Variants in MYOZ2 observed in about 807,000 individuals in gnomAD.
The protein encoded by MYOZ2 is myozenin-2.
MYOZ2 carries 19 observed loss-of-function variants against 25.4 expected under a neutral mutation model. The ratio of observed to expected loss-of-function variants is 0.75; its 90% CI spans 0.52 to 1.10. MYOZ2 has a LOEUF of 1.10. Among genes scored for constraint, MYOZ2 ranks in the 50% least tolerant of loss-of-function variants. MYOZ2 has a pLI of 0.00. For missense variants in MYOZ2, 270 were observed against 317.9 expected, an observed-to-expected ratio of 0.85 and a Z score of 1.15; for synonymous variants, 92 against 106.9, an observed-to-expected ratio of 0.86 and a Z score of 0.86.
At chr4:119,174,359 C>T (rs1443960830) in intron 5 of MYOZ2, among the ~76,000 whole-genome samples, 1 of 152,040 alleles carries the variant, frequency 6.6e-6, no homozygotes, top group Non-Finnish European at 1.5e-5. Context: ...AGTCAGCACC[C>T]TGTGTCTAGC....
chr4:119,144,707 A>G (rs1443177782), intron 2 of MYOZ2, among the ~76,000 whole-genome samples: 1 of 152,160 alleles, frequency 6.6e-6, no homozygotes, highest in East Asian at 1.9e-4. Flanking sequence ...GATGATGTTT[A>G]CCATCTTTTC....
At chr4:119,179,131 A>G (rs759515820) in intron 5 of MYOZ2, among the ~76,000 whole-genome samples, 7 of 152,010 alleles carry the variant, frequency 4.6e-5, no homozygotes, top group Non-Finnish European at 1.0e-4. Context: ...TACAATCCAA[A>G]CTTGTTATCA....
rs144452849 is a variant in MYOZ2, at chr4:119,160,651, A to G, written c.376+2500A>G. ...CAGAGAGAGACTTTGTGGGGGGAAA[A>G]CTGCATGCTTTATTAAATGGTATAT... On this transcript the variant is annotated intron_variant, in intron 4 of 5. Transcript: ENST00000307128. Among the ~76,000 whole-genome samples, 22 of 152,076 alleles carry G rather than the reference A, an allele frequency of 1.4e-4. No homozygotes were observed. The East Asian group carries it at 3.9e-3, about 27-fold the overall frequency.
intron 5 of MYOZ2, among the ~76,000 whole-genome samples, chr4:119,184,060 C>T (rs1742247635): frequency 6.6e-6 from 1 of 152,138 alleles, no homozygotes; most frequent in Non-Finnish European, 1.5e-5. Flanking sequence ...GGTGATCCAT[C>T]CACCTTCTCC....
intron 3 of MYOZ2, among the ~76,000 whole-genome samples, chr4:119,151,763 AG>A (rs539120838): frequency 6.0e-4 from 92 of 152,316 alleles, no homozygotes; most frequent in African/African-American, 2.1e-3. Flanking sequence ...AAAAAGGAAT[AG>A]TGCATTCGTC....
intron 4 of MYOZ2, among the ~76,000 whole-genome samples, chr4:119,159,239 G>C (rs1163902695): frequency 6.6e-6 from 1 of 152,004 alleles, no homozygotes; most frequent in Non-Finnish European, 1.5e-5. Context: ...AGACCAGCCT[G>C]GGCAACATAA....
chr4:119,152,621 T>TA (rs1161725162), intron 3 of MYOZ2, among the ~76,000 whole-genome samples: 1 of 152,136 alleles, frequency 6.6e-6, no homozygotes, highest in African/African-American at 2.4e-5. Flanking sequence ...GTGTTCTGGT[T>TA]ACACATAATA....
At chr4:119,184,808 G>T (rs879906829) in intron 5 of MYOZ2, among the ~76,000 whole-genome samples, 2 of 152,180 alleles carry the variant, frequency 1.3e-5, no homozygotes, top group African/African-American at 2.4e-5. Flanking sequence ...GGTTTTTGAG[G>T]TAGAAAGATG....
chr4:119,167,881 G>C (rs1315503998), intron 5 of MYOZ2, among the ~76,000 whole-genome samples: 1 of 152,206 alleles, frequency 6.6e-6, no homozygotes, highest in Non-Finnish European at 1.5e-5. Flanking sequence ...CTATTGCTCA[G>C]AAAAGAATAT....
At chr4:119,158,285 G>A in intron 4 of MYOZ2, 134 bp downstream of exon 4, 3 of 1,234,174 alleles carry the variant, frequency 2.4e-6, no homozygotes, top group African/African-American at 3.0e-5. Flanking sequence ...TTGGGCCCCA[G>A]GCACGGTGGC....
chr4:119,164,196 T>C lies in MYOZ2; in HGVS notation c.377-15T>C, dbSNP rs750496076. ...GGGCACAGTATTTACTTACTTTTGC[T>C]ATATTTTTCCAAAGGATATTCTGGA... On this transcript the variant is annotated splice_polypyrimidine_tract_variant and intron_variant, in intron 4 of 5. Transcript: ENST00000307128. 5 of 1,611,648 alleles carry C rather than the reference T, an allele frequency of 3.1e-6. No individual in the cohort carries two copies. Among genetic ancestry groups the C allele is most frequent in the Non-Finnish European group, 4.2e-6 (5 of 1,177,882 alleles).
intron 2 of MYOZ2, among the ~76,000 whole-genome samples, chr4:119,146,118 T>C (rs1741284998): frequency 1.3e-5 from 2 of 152,176 alleles, no homozygotes; most frequent in Non-Finnish European, 2.9e-5. Flanking sequence ...TTCTCTATAT[T>C]TTCCATGTTA....
chr4:119,183,734 T>C (rs988084371), intron 5 of MYOZ2, among the ~76,000 whole-genome samples: 3 of 152,054 alleles, frequency 2.0e-5, no homozygotes, highest in Non-Finnish European at 4.4e-5. Flanking sequence ...CTTTTTTCCA[T>C]CTTTACATAA....
intron 5 of MYOZ2, among the ~76,000 whole-genome samples, chr4:119,178,638 G>A (rs62326342): frequency 0.23 from 35,444 of 151,862 alleles, 4,715 homozygotes; most frequent in South Asian, 0.35. Flanking sequence ...TTGGAGTCTC[G>A]CTCTGTCGCC....
intron 5 of MYOZ2, among the ~76,000 whole-genome samples, chr4:119,181,489 CAT>C (rs1467234875): frequency 6.6e-6 from 1 of 152,126 alleles, no homozygotes; most frequent in African/African-American, 2.4e-5. Context: ...TGAAAAATAA[CAT>C]AACATTTTAT....
chr4:119,156,426 G>A (rs1741578267), intron 3 of MYOZ2, among the ~76,000 whole-genome samples: 1 of 151,864 alleles, frequency 6.6e-6, no homozygotes, highest in African/African-American at 2.4e-5. Context: ...CTCAGTGCAA[G>A]GCTAAAACAT....
chr4:119,179,994 T>C (rs1225408622), intron 5 of MYOZ2, among the ~76,000 whole-genome samples: 1 of 152,254 alleles, frequency 6.6e-6, no homozygotes, highest in Non-Finnish European at 1.5e-5. Context: ...TTGGAAGACA[T>C]TCAGATCATA....
intron 2 of MYOZ2, among the ~76,000 whole-genome samples, chr4:119,144,096 A>G (rs1741232769): frequency 1.3e-5 from 2 of 152,108 alleles, no homozygotes; most frequent in Admixed American, 1.3e-4. Flanking sequence ...TTGCCCTTTC[A>G]TAGCCATACC....
chr4:119,167,043 G>T (rs1390638453), intron 5 of MYOZ2, among the ~76,000 whole-genome samples: 2 of 152,108 alleles, frequency 1.3e-5, no homozygotes, highest in South Asian at 2.1e-4. Context: ...GTGAAAGGAA[G>T]AGTCACAAGT....
Sources: allele counts gnomAD v4.1 joint callset (sites outside exome capture counted in the v4.1 genomes callset), GRCh38; gene constraint gnomAD v4.1.1; transcripts MANE v1.5; gene names NCBI Gene and HGNC (gene_info 2026-07-23, HGNC 2026-07-21).